The following BCL2L13 variants were observed in gnomAD, a reference collection of about 807,000 sequenced individuals.
The protein encoded by BCL2L13 is BCL2 like 13.
BCL2L13 carries 13 observed loss-of-function variants against 25.8 expected under a neutral mutation model. The ratio of observed to expected loss-of-function variants is 0.50; its 90% CI spans 0.33 to 0.80. The LOEUF is 0.80. Ranked by LOEUF, BCL2L13 falls within the 30% of genes least tolerant of loss-of-function variation. The pLI, the probability that BCL2L13 is intolerant of heterozygous loss-of-function variation, is 0.02. For synonymous variants in BCL2L13, 244 were observed against 230.3 expected (o/e 1.06, Z -0.54); for missense variants, 504 against 574.9 (o/e 0.88, Z 1.26).
At chr22:17,710,565 GC>G (rs781436152) in intron 6 of BCL2L13, among the ~76,000 whole-genome samples, 2 of 151,614 alleles carry the variant, frequency 1.3e-5, no homozygotes, top group Non-Finnish European at 2.9e-5. Flanking sequence ...GGGTGACAGA[GC>G]AAGACTCTGT....
chr22:17,673,089 A>G (rs2059463820), intron 2 of BCL2L13, among the ~76,000 whole-genome samples: 1 of 152,166 alleles, frequency 6.6e-6, no homozygotes, highest in South Asian at 2.1e-4. Context: ...TAGTCATTAA[A>G]TTCTCTGAAG....
At chr22:17,638,600 G>T, upstream of BCL2L13, 1 of 1,049,684 alleles carries the variant, frequency 9.5e-7, no homozygotes, top group Non-Finnish European at 1.2e-6. Flanking sequence ...AGATTTGGGC[G>T]GGCTAGGAGG....
At chr22:17,723,410 A>C (rs1042305542) in intron 6 of BCL2L13, among the ~76,000 whole-genome samples, 26 of 152,180 alleles carry the variant, frequency 1.7e-4, no homozygotes, top group Non-Finnish European at 4.4e-5. Context: ...GAGATGGAGG[A>C]GGAAGGAAAA....
At chr22:17,716,422 C>A (rs979357678) in intron 6 of BCL2L13, among the ~76,000 whole-genome samples, 1 of 152,152 alleles carries the variant, frequency 6.6e-6, no homozygotes, top group African/African-American at 2.4e-5. Context: ...AAGGAGACAG[C>A]GCTTGGGAAT....
At chr22:17,662,628 C>T (rs530926623) in intron 2 of BCL2L13, among the ~76,000 whole-genome samples, 1 of 151,994 alleles carries the variant, frequency 6.6e-6, no homozygotes, top group Non-Finnish European at 1.5e-5. Context: ...TCGAGACCAG[C>T]CTACATGGCG....
intron 1 of BCL2L13, among the ~76,000 whole-genome samples, chr22:17,644,308 CTG>C (rs1052159115): frequency 5.4e-5 from 8 of 148,530 alleles, no homozygotes; most frequent in Admixed American, 2.7e-4. Flanking sequence ...GTGTTCAACT[CTG>C]TATTACTGGA....
chr22:17,710,268 C>G (rs1215271587), intron 6 of BCL2L13, among the ~76,000 whole-genome samples: 1 of 151,724 alleles, frequency 6.6e-6, no homozygotes, highest in East Asian at 2.0e-4. Flanking sequence ...GAGGCCATGA[C>G]AGCAAGACAT....
upstream of BCL2L13, chr22:17,638,493 G>C: frequency 2.5e-6 from 1 of 405,900 alleles, no homozygotes. Context: ...CCCTGGAATC[G>C]CCTGCCCTTC....
At chr22:17,720,402 G>GC (rs1384840994) in intron 6 of BCL2L13, among the ~76,000 whole-genome samples, 2 of 151,964 alleles carry the variant, frequency 1.3e-5, no homozygotes, top group Admixed American at 1.3e-4. Flanking sequence ...TGTTGTCCAG[G>GC]CCGGAGTGCA....
chr22:17,657,709 G>C (rs1424201684), intron 2 of BCL2L13, among the ~76,000 whole-genome samples: 2 of 151,316 alleles, frequency 1.3e-5, no homozygotes, highest in African/African-American at 4.9e-5. Flanking sequence ...GTAGAGATGG[G>C]GTTTCACTCT....
rs376011860 is a variant in BCL2L13, at chr22:17,727,069, G to A, written c.993G>A (p.Ala331=). Residue 331 remains alanine, a synonymous_variant, in exon 7 of 7, where the codon GCG becomes GCA. Coordinates refer to ENST00000317582, the MANE Select transcript of BCL2L13 (RefSeq NM_015367.4). ...CTGTGGCTTCTGTGGTCTTGCCAGCGCGGGAGCTGCAAGAGGCACTTCCTG... is the reference window on the plus strand; with the variant it reads ...CTGTGGCTTCTGTGGTCTTGCCAGCACGGGAGCTGCAAGAGGCACTTCCTG... The part of the protein sequence containing the change: ...EAAVASVVLP[A]RELQEALPEA... The A allele has an allele frequency of 1.3e-4, 212 of 1,614,096 alleles. No individual in the cohort carries two copies. The highest frequency in any genetic ancestry group is 1.7e-4 in the Non-Finnish European group (197 of 1,180,044).
intron 3 of BCL2L13, among the ~76,000 whole-genome samples, chr22:17,687,501 C>T (rs997736568): frequency 1.3e-5 from 2 of 151,686 alleles, no homozygotes; most frequent in African/African-American, 4.9e-5. Flanking sequence ...CCACAGCACC[C>T]AGCTATTATT....
At chr22:17,680,511 C>CAA (rs770410371) in intron 2 of BCL2L13, among the ~76,000 whole-genome samples, 200 of 13,320 alleles carry the variant, frequency 0.015, 37 homozygotes, top group East Asian at 0.027. Flanking sequence ...GACTCTGTCT[C>CAA]AAAAAAAAAA....
Position 17,730,324 on chromosome 22 carries a change from CT to C in BCL2L13, c.*2791del, listed in dbSNP as rs2061379219. ...ACTGTTGACCTTCTGGTTCACCCAT[CT>C]CCCCCTCGAGGCATTCTTGATACCC... On this transcript the variant is annotated 3_prime_UTR_variant, in exon 7 of 7. Transcript: ENST00000317582. 6.6e-6 allele frequency: 1 copy of C among 152,178 alleles called. No individual in the cohort carries two copies. Among genetic ancestry groups the C allele is most frequent in the Non-Finnish European group, 1.5e-5 (1 of 68,048 alleles). The allele number at this position is 152,178 out of a possible 1,614,324, so 9.4% of individuals were successfully genotyped here.
At chr22:17,679,414 C>A (rs188505067) in intron 2 of BCL2L13, among the ~76,000 whole-genome samples, 22 of 151,726 alleles carry the variant, frequency 1.4e-4, no homozygotes, top group Non-Finnish European at 3.1e-4. Context: ...TGATTACAGG[C>A]GCCTGCCACC....
At chr22:17,708,436 G>A (rs1413398265) in intron 6 of BCL2L13, among the ~76,000 whole-genome samples, 1 of 152,164 alleles carries the variant, frequency 6.6e-6, no homozygotes, top group Non-Finnish European at 1.5e-5. Context: ...ACTTGTTTTG[G>A]TATCCATGTC....
intron 2 of BCL2L13, among the ~76,000 whole-genome samples, chr22:17,668,956 T>G (rs1177917089): frequency 6.6e-6 from 1 of 152,170 alleles, no homozygotes; most frequent in East Asian, 1.9e-4. Flanking sequence ...TTAGTTCATT[T>G]ATATTGCTAT....
rs190707805 is a variant in BCL2L13 at position 17,646,128 on chromosome 22, G to A, written c.-51+7242G>A. Among the ~76,000 whole-genome samples, 147 of 151,556 alleles carry A rather than the reference G, an allele frequency of 9.7e-4. 1 individual carries two copies. Among genetic ancestry groups the A allele is most frequent in the Non-Finnish European group, 1.5e-3 (100 of 68,024 alleles). On this transcript the variant is annotated intron_variant, in intron 1 of 6. Coordinates refer to ENST00000317582, the MANE Select transcript of BCL2L13 (RefSeq NM_015367.4). Reference sequence around the variant, plus strand: ...GGAACCAATCCCACATGGGTACCAAGGGACAATTCTACTTGAAACTTAATA... The same window carrying A: ...GGAACCAATCCCACATGGGTACCAAAGGACAATTCTACTTGAAACTTAATA...
At chr22:17,632,787 C>G (rs1297018292) in intron 1 of BCL2L13, among the ~76,000 whole-genome samples, 3 of 139,550 alleles carry the variant, frequency 2.1e-5, no homozygotes, top group Non-Finnish European at 4.5e-5. Flanking sequence ...GGGAGTCTTG[C>G]TCTGTCACCA....
Sources: gnomAD v4.1 joint callset for allele counts (sites outside exome capture counted in the v4.1 genomes callset) on GRCh38, gnomAD v4.1.1 for gene constraint, MANE v1.5 for transcripts, NCBI Gene and HGNC (gene_info 2026-07-23, HGNC 2026-07-21) for gene names.